Variants in ASIC2 observed in about 807,000 individuals in gnomAD.
ASIC2 encodes the protein acid sensing ion channel subunit 2, also known as acid-sensing ion channel 2.
Under a neutral mutation model 57.3 loss-of-function variants are expected in ASIC2, and 25 were observed. The ratio of observed to expected loss-of-function variants is 0.44; its 90% CI spans 0.32 to 0.61. The LOEUF is 0.61. Ranked by LOEUF, ASIC2 falls within the 20% of genes least tolerant of loss-of-function variation. The pLI is 0.06. For missense variants in ASIC2, 641 were observed against 738.1 expected, an observed-to-expected ratio of 0.87 and a Z score of 1.52; for synonymous variants, 319 against 307.5, an observed-to-expected ratio of 1.04 and a Z score of -0.39.
chr17:33,865,729 C>A (rs1914215178), intron 1 of ASIC2, among the ~76,000 whole-genome samples: 1 of 144,352 alleles, frequency 6.9e-6, no homozygotes, highest in South Asian at 2.2e-4. Flanking sequence ...GCACATGTAC[C>A]CTAAAACTTA....
At chr17:33,559,486 C>T (rs1186458882) in intron 1 of ASIC2, among the ~76,000 whole-genome samples, 1 of 152,016 alleles carries the variant, frequency 6.6e-6, no homozygotes, top group African/African-American at 2.4e-5. Flanking sequence ...TCATAATTTT[C>T]TTTTTTTTCA....
intron 1 of ASIC2, among the ~76,000 whole-genome samples, chr17:34,060,945 C>A (rs1176276569): frequency 6.6e-6 from 1 of 152,278 alleles, no homozygotes; most frequent in Non-Finnish European, 1.5e-5. Context: ...TTGAGGACAA[C>A]TTCCCTGGCC....
At chr17:33,529,126 T>C (rs998550392) in intron 1 of ASIC2, among the ~76,000 whole-genome samples, 1 of 151,698 alleles carries the variant, frequency 6.6e-6, no homozygotes, top group African/African-American at 2.4e-5. Context: ...ACAAGGGGAG[T>C]GAACTTTGGG....
At chr17:33,715,922 T>G (rs954791302) in intron 1 of ASIC2, among the ~76,000 whole-genome samples, 1 of 152,108 alleles carries the variant, frequency 6.6e-6, no homozygotes, top group African/African-American at 2.4e-5. Flanking sequence ...ATGCTCCACC[T>G]GAACTCACAA....
intron 1 of ASIC2, chr17:33,627,206 A>G (rs1906014459): frequency 6.6e-6 from 1 of 152,228 alleles, no homozygotes; most frequent in Admixed American, 6.5e-5. Context: ...CAGCCATTCC[A>G]GATTCCAGAT....
chr17:33,921,897 T>A (rs1340769533), intron 1 of ASIC2, among the ~76,000 whole-genome samples: 1 of 152,110 alleles, frequency 6.6e-6, no homozygotes, highest in Admixed American at 6.5e-5. Context: ...TCCCTCTCTC[T>A]TGAAGCAGCC....
intron 1 of ASIC2, among the ~76,000 whole-genome samples, chr17:33,704,985 A>G (rs1487566960): frequency 6.6e-6 from 1 of 152,228 alleles, no homozygotes; most frequent in African/African-American, 2.4e-5. Context: ...GGCTTCCTGT[A>G]GGCGTATGTT....
At chr17:33,603,339 G>A (rs760681718) in intron 1 of ASIC2, among the ~76,000 whole-genome samples, 56 of 152,326 alleles carry the variant, frequency 3.7e-4, no homozygotes, top group South Asian at 2.1e-3. Context: ...ACAGTGGCAT[G>A]TGCTTACACA....
chr17:33,685,144 C>T (rs1007001402), intron 1 of ASIC2, among the ~76,000 whole-genome samples: 1 of 152,146 alleles, frequency 6.6e-6, no homozygotes, highest in Non-Finnish European at 1.5e-5. Context: ...AGAGGAGAGA[C>T]GTGTACACAC....
intron 1 of ASIC2, among the ~76,000 whole-genome samples, chr17:33,366,115 C>A (rs934293872): frequency 6.6e-6 from 1 of 152,240 alleles, no homozygotes; most frequent in Non-Finnish European, 1.5e-5. Flanking sequence ...TCCCATGATG[C>A]TATGAGTGGG....
intron 1 of ASIC2, among the ~76,000 whole-genome samples, chr17:33,270,133 A>G (rs959078801): frequency 6.6e-6 from 1 of 152,248 alleles, no homozygotes; most frequent in Non-Finnish European, 1.5e-5. Flanking sequence ...AATTCATTGC[A>G]AAGTCAATTG....
chr17:33,177,594 G>T (rs190632472), intron 1 of ASIC2, among the ~76,000 whole-genome samples: 174 of 152,212 alleles, frequency 1.1e-3, no homozygotes, highest in South Asian at 2.7e-3. Context: ...CTTCTGGCTC[G>T]CTAGGATGCA....
chr17:34,031,356 A>C (rs996148254), intron 1 of ASIC2, among the ~76,000 whole-genome samples: 1 of 152,150 alleles, frequency 6.6e-6, no homozygotes, highest in Non-Finnish European at 1.5e-5. Context: ...CCAAAAACCC[A>C]TCTGTACCTC....
chr17:33,753,202 C>G (rs1910487016), intron 1 of ASIC2, among the ~76,000 whole-genome samples: 1 of 152,112 alleles, frequency 6.6e-6, no homozygotes, highest in Admixed American at 6.5e-5. Flanking sequence ...AGAAATCCAT[C>G]TACAAAAGCT....
chr17:33,020,030 T>A (rs1389676353), intron 7 of ASIC2, among the ~76,000 whole-genome samples: 1 of 151,722 alleles, frequency 6.6e-6, no homozygotes, highest in Admixed American at 6.6e-5. Flanking sequence ...AGGGAATGAG[T>A]CTCTTGGCTC....
rs576712888 is a variant in ASIC2, at chr17:33,111,768, G to A, written c.859+149C>T. 9.9e-5 allele frequency: 115 copies of A among 1,166,822 alleles called. No homozygotes were observed. In the African/African-American group the frequency reaches 1.6e-3, roughly 17 times the overall value. 72.3% of individuals were successfully genotyped at this position (1,166,822 alleles called of 1,614,324 possible). A position where few individuals can be genotyped will look rare whatever the true frequency, so the allele number is the denominator to read the frequency against. On this transcript the variant is annotated intron_variant, in intron 2 of 9. Transcript: ENST00000225823. The stretch of plus-strand genomic sequence containing the variant: ...CCCAGGGCATCCCAGCCCAAGCCAG[G>A]GACATCTTTATGATCTAGCAGCATG...
At chr17:34,111,439 A>C (rs972008580) in intron 1 of ASIC2, among the ~76,000 whole-genome samples, 7 of 151,900 alleles carry the variant, frequency 4.6e-5, no homozygotes, top group Non-Finnish European at 1.0e-4. Context: ...CCTTTTGAAA[A>C]GATATGTTAC....
intron 1 of ASIC2, among the ~76,000 whole-genome samples, chr17:33,516,971 A>G (rs979882367): frequency 6.6e-6 from 1 of 152,180 alleles, no homozygotes. Flanking sequence ...TCGGTGCCGC[A>G]TGGGTCTGAG....
At chr17:33,153,372 G>C (rs1029955442) in intron 1 of ASIC2, among the ~76,000 whole-genome samples, 2 of 152,194 alleles carry the variant, frequency 1.3e-5, no homozygotes, top group Non-Finnish European at 2.9e-5. Context: ...GGAAGATCTG[G>C]TTCCATGATT....
Sources: allele counts gnomAD v4.1 joint callset (sites outside exome capture counted in the v4.1 genomes callset), GRCh38; gene constraint gnomAD v4.1.1; transcripts MANE v1.5; gene names NCBI Gene and HGNC (gene_info 2026-07-23, HGNC 2026-07-21).